Variants in ENTREP2 observed in about 807,000 individuals in gnomAD.
ENTREP2 encodes the protein endosomal transmembrane epsin interactor 2.
At chr15:29,537,454 A>G in the ENTREP2 span, among the ~76,000 whole-genome samples, 3 of 152,258 alleles carry the variant, frequency 2.0e-5, no homozygotes, top group East Asian at 5.8e-4. Context: ...TTTCCTCCTG[A>G]TTCTTCTTTT....
the ENTREP2 span, chr15:29,123,423 C>T: frequency 3.9e-6 from 6 of 1,551,568 alleles, no homozygotes; most frequent in Middle Eastern, 1.7e-4. Flanking sequence ...GCATGGCACC[C>T]ACCATGTGCT....
At chr15:29,670,306 G>A in the ENTREP2 span, among the ~76,000 whole-genome samples, 1 of 152,136 alleles carries the variant, frequency 6.6e-6, no homozygotes, top group African/African-American at 2.4e-5. Flanking sequence ...AGTCCACTCT[G>A]CCTAGAAGTA....
the ENTREP2 span, among the ~76,000 whole-genome samples, chr15:29,633,333 T>C: frequency 6.6e-6 from 1 of 152,194 alleles, no homozygotes; most frequent in Non-Finnish European, 1.5e-5. Flanking sequence ...GAGGAAATAT[T>C]GATTCCAACT....
the ENTREP2 span, among the ~76,000 whole-genome samples, chr15:29,526,676 C>G: frequency 6.6e-6 from 1 of 151,864 alleles, no homozygotes; most frequent in Non-Finnish European, 1.5e-5. Flanking sequence ...AACGATATTG[C>G]CCAGGCTGGT....
chr15:29,579,119 C>A, the ENTREP2 span, among the ~76,000 whole-genome samples: 1 of 152,108 alleles, frequency 6.6e-6, no homozygotes, highest in Admixed American at 6.6e-5. Context: ...AATTCTCATC[C>A]ATCAACTGAA....
At chr15:29,242,413 C>G in the ENTREP2 span, among the ~76,000 whole-genome samples, 1 of 152,116 alleles carries the variant, frequency 6.6e-6, no homozygotes, top group African/African-American at 2.4e-5. Context: ...TTTTAAAAAT[C>G]CATTTTTTAA....
the ENTREP2 span, among the ~76,000 whole-genome samples, chr15:29,263,492 C>T: frequency 6.6e-6 from 1 of 152,138 alleles, no homozygotes; most frequent in Admixed American, 6.5e-5. Flanking sequence ...TTGGAGCCCA[C>T]GTGGGAAGCT....
chr15:29,625,080 T>C, the ENTREP2 span, among the ~76,000 whole-genome samples: 2 of 152,086 alleles, frequency 1.3e-5, no homozygotes, highest in African/African-American at 2.4e-5. Context: ...CTCTATAGTT[T>C]TGTCATTTTG....
chr15:29,269,929 A>C, the ENTREP2 span: 3 of 485,082 alleles, frequency 6.2e-6, no homozygotes, highest in Non-Finnish European at 1.1e-5. Flanking sequence ...GCAGCCCTGC[A>C]GGTCCGGGCG....
chr15:29,674,128 T>TGGGCGGGGGGGGGGGGGGGGG, the ENTREP2 span, among the ~76,000 whole-genome samples: 1 of 46,092 alleles, frequency 2.2e-5, no homozygotes, highest in African/African-American at 6.2e-5. Flanking sequence ...CTGCAGAGGA[T>TGGGCGGGGGGGGGGGGGGGGG]GGGGGGGGGG....
the ENTREP2 span, among the ~76,000 whole-genome samples, chr15:29,356,268 GTA>G: frequency 0.043 from 2,488 of 57,548 alleles, 168 homozygotes; most frequent in Middle Eastern, 0.089. Flanking sequence ...GTGTGTGTGT[GTA>G]TATATATATA....
At chr15:29,486,177 G>C in the ENTREP2 span, among the ~76,000 whole-genome samples, 1 of 150,336 alleles carries the variant, frequency 6.7e-6, no homozygotes, top group Admixed American at 6.6e-5. Flanking sequence ...GAAAATGGGA[G>C]ACACACACAC....
the ENTREP2 span, among the ~76,000 whole-genome samples, chr15:29,204,935 T>C: frequency 6.6e-6 from 1 of 152,164 alleles, no homozygotes; most frequent in African/African-American, 2.4e-5. Flanking sequence ...CACAACTTTT[T>C]CATCTTTCCA....
At chr15:29,222,868 C>T in the ENTREP2 span, among the ~76,000 whole-genome samples, 2 of 152,180 alleles carry the variant, frequency 1.3e-5, no homozygotes, top group African/African-American at 2.4e-5. Flanking sequence ...TAAAGAATAA[C>T]GTTTTTATGA....
the ENTREP2 span, among the ~76,000 whole-genome samples, chr15:29,505,760 C>A: frequency 0.033 from 4,982 of 152,166 alleles, 262 homozygotes; most frequent in African/African-American, 0.11. This position sits in a 1 kb window ranked among gnomAD's most constrained non-coding sequence, Gnocchi z 4.3. Flanking sequence ...CCGAGGGTCA[C>A]CAACAGCAAA....
At chr15:29,224,344 T>C in the ENTREP2 span, among the ~76,000 whole-genome samples, 2 of 152,110 alleles carry the variant, frequency 1.3e-5, no homozygotes, top group Admixed American at 6.5e-5. Context: ...CAGCAACTTA[T>C]TGCAAACATT....
At chr15:29,603,812 T>A in the ENTREP2 span, among the ~76,000 whole-genome samples, 4 of 151,930 alleles carry the variant, frequency 2.6e-5, no homozygotes, top group Non-Finnish European at 1.5e-5. Flanking sequence ...CTAACTTTCG[T>A]ATTTTTAGGA....
the ENTREP2 span, among the ~76,000 whole-genome samples, chr15:29,355,371 C>T: frequency 1.3e-5 from 2 of 151,570 alleles, no homozygotes; most frequent in Non-Finnish European, 2.9e-5. Flanking sequence ...TTTTATAAAC[C>T]GTGGTTCTGG....
the ENTREP2 span, among the ~76,000 whole-genome samples, chr15:29,221,320 G>A: frequency 3.3e-5 from 5 of 151,938 alleles, no homozygotes; most frequent in East Asian, 1.9e-4. Flanking sequence ...TCCTGCCTCA[G>A]CCTCCCAAGT....
Sources: allele counts gnomAD v4.1 joint callset (sites outside exome capture counted in the v4.1 genomes callset), GRCh38; gene constraint gnomAD v4.1.1; non-coding constraint Gnocchi (gnomAD v3.1); transcripts MANE v1.5; gene names NCBI Gene and HGNC (gene_info 2026-07-23, HGNC 2026-07-21).